Variants in CADPS observed in about 807,000 individuals in gnomAD.
CADPS encodes the protein calcium-dependent secretion activator 1.
CADPS carries 57 observed loss-of-function variants against 167.3 expected under a neutral mutation model. The observed-to-expected ratio is 0.34, with a 90% CI of 0.28 to 0.42. CADPS has a LOEUF of 0.42. CADPS is among the 20% of genes least tolerant of loss of function. CADPS has a pLI of 1.00. For missense variants in CADPS, 1,414 were observed against 1,738.1 expected (o/e 0.81, Z 3.32); for synonymous variants, 676 against 635.3 (o/e 1.06, Z -0.96).
intron 1 of CADPS, among the ~76,000 whole-genome samples, chr3:62,859,019 T>C (rs942446227): frequency 1.3e-5 from 2 of 152,128 alleles, no homozygotes; most frequent in African/African-American, 4.8e-5. Flanking sequence ...CAAAAGACTA[T>C]GCCAAAGGAT....
At chr3:62,734,034 T>C (rs1188282795) in intron 3 of CADPS, among the ~76,000 whole-genome samples, 2 of 152,242 alleles carry the variant, frequency 1.3e-5, no homozygotes, top group Non-Finnish European at 2.9e-5. Context: ...ATCTACTTGT[T>C]GGTTGATGGA....
chr3:62,841,403 A>G (rs1274096656), intron 1 of CADPS, among the ~76,000 whole-genome samples: 1 of 152,116 alleles, frequency 6.6e-6, no homozygotes, highest in Non-Finnish European at 1.5e-5. Context: ...TTGGCACTTG[A>G]GTCTGCAAAA....
At chr3:62,522,726 T>TAC (rs1478915384) in intron 13 of CADPS, among the ~76,000 whole-genome samples, 2 of 152,204 alleles carry the variant, frequency 1.3e-5, no homozygotes, top group Non-Finnish European at 2.9e-5. Flanking sequence ...TAGAAACACA[T>TAC]ACACACATGA....
chr3:62,549,447 G>GTTTTT (rs3074235), intron 11 of CADPS, among the ~76,000 whole-genome samples: 6 of 129,286 alleles, frequency 4.6e-5, no homozygotes, highest in South Asian at 2.4e-4. Flanking sequence ...CATGTTTTGT[G>GTTTTT]TTTTTTTTTT....
intron 6 of CADPS, among the ~76,000 whole-genome samples, chr3:62,643,045 T>G (rs1249770700): frequency 6.6e-6 from 1 of 151,414 alleles, no homozygotes; most frequent in Non-Finnish European, 1.5e-5. Context: ...AGAAAAATGG[T>G]TAAAAAGAGT....
At chr3:62,772,695 A>T (rs1343914843) in intron 1 of CADPS, among the ~76,000 whole-genome samples, 5 of 152,202 alleles carry the variant, frequency 3.3e-5, no homozygotes, top group Admixed American at 6.5e-5. Context: ...TAATGGATAC[A>T]CTTGGTTTAC....
At position 62,602,554 on chromosome 3, in the gene CADPS, C is replaced by G. The variant is rs560116821; in HGVS notation, c.1326-9806G>C. 2.4e-4 allele frequency among the ~76,000 whole-genome samples: 37 copies of G among 152,244 alleles called. No homozygotes were observed. The highest frequency in any genetic ancestry group is 8.4e-4 in the African/African-American group (35 of 41,538). On this transcript the variant is annotated intron_variant, in intron 6 of 29. Coordinates refer to ENST00000383710, the MANE Select transcript of CADPS (RefSeq NM_003716.4). The surrounding 1 kb of genome is among the most constrained non-coding windows in gnomAD (Gnocchi z 4.4). ...CCTTTGAGGTGGACTGCATGATATTCCACTCCAAGGGAATCAATTGTGCCA... is the reference window on the plus strand; with the variant it reads ...CCTTTGAGGTGGACTGCATGATATTGCACTCCAAGGGAATCAATTGTGCCA...
At chr3:62,794,940 T>C (rs971569690) in intron 1 of CADPS, among the ~76,000 whole-genome samples, 2 of 152,068 alleles carry the variant, frequency 1.3e-5, no homozygotes, top group African/African-American at 4.8e-5. Context: ...CGGGCTCTCA[T>C]TCAGATCACT....
At chr3:62,737,412 G>T (rs929618237) in intron 3 of CADPS, among the ~76,000 whole-genome samples, 10 of 151,982 alleles carry the variant, frequency 6.6e-5, no homozygotes, top group Non-Finnish European at 1.2e-4. Flanking sequence ...AGGCTGCAGT[G>T]AGCTGAGATT....
At chr3:62,475,549 A>G (rs2061163773) in intron 23 of CADPS, among the ~76,000 whole-genome samples, 1 of 136,656 alleles carries the variant, frequency 7.3e-6, no homozygotes, top group African/African-American at 2.6e-5. Flanking sequence ...AGAGAAGCCA[A>G]GTATAATTTC....
chr3:62,737,178 C>A (rs9844778), intron 3 of CADPS, among the ~76,000 whole-genome samples: 23,495 of 151,864 alleles, frequency 0.15, 2,345 homozygotes, highest in African/African-American at 0.29. Flanking sequence ...ACAAAAATAA[C>A]CCCCACAATC....
At chr3:62,837,240 T>C (rs887722165) in intron 1 of CADPS, among the ~76,000 whole-genome samples, 1 of 152,210 alleles carries the variant, frequency 6.6e-6, no homozygotes, top group Non-Finnish European at 1.5e-5. Context: ...TGAAGTCAAG[T>C]AACTTCCCCA....
chr3:62,444,392 T>C (rs1184108875), intron 27 of CADPS, among the ~76,000 whole-genome samples: 1 of 152,218 alleles, frequency 6.6e-6, no homozygotes, highest in Non-Finnish European at 1.5e-5. Flanking sequence ...TCTATGTATG[T>C]TGTGTCATTT....
At chr3:62,727,466 C>T (rs2076955872) in intron 3 of CADPS, among the ~76,000 whole-genome samples, 1 of 151,838 alleles carries the variant, frequency 6.6e-6, no homozygotes. Context: ...GCCCAATACC[C>T]ACCTTTTCTC....
chr3:62,498,270 C>A, intron 18 of CADPS: 1 of 432,038 alleles, frequency 2.3e-6, no homozygotes, highest in Non-Finnish European at 4.6e-6. Context: ...TATTATTTAA[C>A]TATACTGGCA....
At chr3:62,461,613 C>T (rs1222320525) in intron 26 of CADPS, among the ~76,000 whole-genome samples, 2 of 152,216 alleles carry the variant, frequency 1.3e-5, no homozygotes, top group Non-Finnish European at 2.9e-5. Context: ...TGCCTCCTGG[C>T]TAATGCAGCT....
chr3:62,827,200 C>T (rs1294105304), intron 1 of CADPS, among the ~76,000 whole-genome samples: 1 of 152,170 alleles, frequency 6.6e-6, no homozygotes, highest in East Asian at 1.9e-4. Flanking sequence ...CAATATAATC[C>T]CTAACTAGAT....
chr3:62,587,812 G>C (rs1023235690), intron 7 of CADPS, among the ~76,000 whole-genome samples: 1 of 152,172 alleles, frequency 6.6e-6, no homozygotes, highest in Non-Finnish European at 1.5e-5. Flanking sequence ...CAGGGTGGAT[G>C]GAGAGATGAA....
At position 62,478,544 on chromosome 3, in the gene CADPS, G is replaced by T; in HGVS notation, c.3174-128C>A. ...AACATACAAAACAACGTGTGTTGGC[G>T]GTGGAGGCGGGGGCGAGTCTCCACC... is the stretch of plus-strand genomic sequence containing the variant. On this transcript the variant is annotated intron_variant, in intron 22 of 29. Coordinates refer to ENST00000383710, the MANE Select transcript of CADPS (RefSeq NM_003716.4). This position sits in a 1 kb window ranked among gnomAD's most constrained non-coding sequence, Gnocchi z 5.7. 7.3e-6 allele frequency: 6 copies of T among 820,064 alleles called. No homozygotes were observed. The highest frequency in any genetic ancestry group is 1.1e-5 in the Non-Finnish European group (6 of 526,728). The allele number at this position is 820,064 out of a possible 1,614,324, so 50.8% of individuals were successfully genotyped here. A position where few individuals can be genotyped will look rare whatever the true frequency, so the allele number is the denominator to read the frequency against.
Sources: gnomAD v4.1 joint callset for allele counts (sites outside exome capture counted in the v4.1 genomes callset) on GRCh38, gnomAD v4.1.1 for gene constraint, Gnocchi (gnomAD v3.1) non-coding constraint, MANE v1.5 for transcripts, NCBI Gene and HGNC (gene_info 2026-07-23, HGNC 2026-07-21) for gene names.